ERBB4: variants seen among roughly 807,000 people sequenced by gnomAD.
ERBB4 encodes erb-b2 receptor tyrosine kinase 4, also known as receptor tyrosine-protein kinase erbB-4.
A neutral mutation model predicts 158.0 loss-of-function variants in ERBB4; 42 were observed. The ratio of observed to expected loss-of-function variants is 0.27; its 90% CI spans 0.21 to 0.34. ERBB4 has a LOEUF of 0.34. ERBB4 is among the 10% of genes least tolerant of loss of function. ERBB4 has a pLI of 1.00. For synonymous variants in ERBB4, 583 were observed against 558.7 expected, an observed-to-expected ratio of 1.04 and a Z score of -0.61; for missense variants, 1,333 against 1,624.1, an observed-to-expected ratio of 0.82 and a Z score of 3.08.
intron 1 of ERBB4, among the ~76,000 whole-genome samples, chr2:212,533,808 T>C (rs370415582): frequency 8.2e-4 from 125 of 152,308 alleles, no homozygotes; most frequent in Middle Eastern, 6.8e-3. Context: ...GTTGTTAATA[T>C]GATTAAATTC....
At chr2:211,424,129 G>A (rs1416108232) in intron 23 of ERBB4, 26 bp downstream of exon 23, 3 of 1,602,358 alleles carry the variant, frequency 1.9e-6, no homozygotes, top group Non-Finnish European at 2.6e-6. Context: ...AATGATGATG[G>A]TGATAACATT....
chr2:211,492,394 C>T (rs998946607), intron 20 of ERBB4, among the ~76,000 whole-genome samples: 1 of 152,074 alleles, frequency 6.6e-6, no homozygotes, highest in Non-Finnish European at 1.5e-5. Flanking sequence ...TTTCATTTTC[C>T]TTATCTGTAA....
intron 2 of ERBB4, among the ~76,000 whole-genome samples, chr2:212,101,879 C>T (rs979722221): frequency 1.3e-5 from 2 of 151,710 alleles, no homozygotes; most frequent in Non-Finnish European, 2.9e-5. Context: ...CACAGACCTC[C>T]ATGGTCCCTG....
At chr2:212,396,469 GA>G (rs2106450497) in intron 1 of ERBB4, among the ~76,000 whole-genome samples, 1 of 152,102 alleles carries the variant, frequency 6.6e-6, no homozygotes, top group East Asian at 1.9e-4. Context: ...TTCCTCCTCT[GA>G]AAAAGGGGGA....
chr2:212,285,221 C>T (rs893398195), intron 1 of ERBB4, among the ~76,000 whole-genome samples: 1 of 152,102 alleles, frequency 6.6e-6, no homozygotes, highest in African/African-American at 2.4e-5. Flanking sequence ...CACATAATCA[C>T]GTGGTTGAAG....
chr2:212,085,149 G>A (rs1266117651), intron 2 of ERBB4, among the ~76,000 whole-genome samples: 2 of 151,780 alleles, frequency 1.3e-5, no homozygotes, highest in Non-Finnish European at 2.9e-5. Context: ...TGCCCTCTTG[G>A]TGCATATGTA....
At chr2:211,503,152 C>T (rs776035503) in intron 20 of ERBB4, among the ~76,000 whole-genome samples, 5 of 152,122 alleles carry the variant, frequency 3.3e-5, no homozygotes, top group Non-Finnish European at 7.4e-5. Flanking sequence ...CCACCACCCT[C>T]GCAGACCTTT....
intron 1 of ERBB4, among the ~76,000 whole-genome samples, chr2:212,465,537 C>A (rs943604124): frequency 1.3e-5 from 2 of 152,100 alleles, no homozygotes; most frequent in South Asian, 4.1e-4. Flanking sequence ...ATTTAAAAAA[C>A]TTAGTAAGCA....
At chr2:211,837,502 A>G (rs146993072) in intron 3 of ERBB4, among the ~76,000 whole-genome samples, 164 of 152,220 alleles carry the variant, frequency 1.1e-3, no homozygotes, top group African/African-American at 3.7e-3. Context: ...TAACACAGAC[A>G]TGTATCGTAG....
At chr2:211,449,486 T>C (rs1295956501) in intron 20 of ERBB4, among the ~76,000 whole-genome samples, 1 of 152,184 alleles carries the variant, frequency 6.6e-6, no homozygotes, top group Non-Finnish European at 1.5e-5. Context: ...ATTGTTCTTT[T>C]CTGCTGAGGA....
chr2:211,585,352 A>AAAC (rs2068243134), intron 19 of ERBB4, among the ~76,000 whole-genome samples: 1 of 2,624 alleles, frequency 3.8e-4, no homozygotes, highest in Non-Finnish European at 6.2e-4. Context: ...ACTCCGTCTC[A>AAAC]AAAAAAAAAA....
chr2:212,273,018 T>G lies in ERBB4; in HGVS notation c.83-148115A>C, dbSNP rs138444654. ...AACATATTTCTATAAGGGTACACAC[T>G]GTTTATTGAAATATTTACATATGTT... On this transcript the variant is annotated intron_variant, in intron 1 of 27. Coordinates refer to ENST00000342788, the MANE Select transcript of ERBB4 (RefSeq NM_005235.3). 5.0e-3 allele frequency among the ~76,000 whole-genome samples: 759 copies of G among 151,838 alleles called. 4 individuals carry two copies. The highest frequency in any genetic ancestry group is 0.017 in the Middle Eastern group (5 of 294).
intron 2 of ERBB4, among the ~76,000 whole-genome samples, chr2:211,964,061 A>T (rs560252126): frequency 2.0e-5 from 3 of 152,272 alleles, no homozygotes; most frequent in African/African-American, 4.8e-5. Flanking sequence ...GGACAAAGAC[A>T]CATGGTATTT....
intron 1 of ERBB4, among the ~76,000 whole-genome samples, chr2:212,228,108 T>C (rs2083537117): frequency 1.3e-5 from 2 of 152,306 alleles, no homozygotes; most frequent in African/African-American, 2.4e-5. Flanking sequence ...CACCTCCCCC[T>C]CCTTGGTTTG....
intron 11 of ERBB4, among the ~76,000 whole-genome samples, chr2:211,703,288 T>C (rs1338016750): frequency 3.3e-5 from 5 of 152,220 alleles, no homozygotes; most frequent in South Asian, 2.1e-4. Flanking sequence ...AAGTTGTTTA[T>C]ATACAGCACT....
chr2:211,715,879 C>G (rs1214950430), intron 7 of ERBB4, among the ~76,000 whole-genome samples: 1 of 152,156 alleles, frequency 6.6e-6, no homozygotes, highest in Non-Finnish European at 1.5e-5. Context: ...TAAGAACCAA[C>G]TAATACATCT....
At chr2:212,349,707 A>G (rs1045719766) in intron 1 of ERBB4, among the ~76,000 whole-genome samples, 5 of 152,126 alleles carry the variant, frequency 3.3e-5, no homozygotes, top group Non-Finnish European at 7.4e-5. Flanking sequence ...AACCAGAGGA[A>G]AAGTAGAAAA....
At chr2:212,501,124 G>A (rs1690865577) in intron 1 of ERBB4, among the ~76,000 whole-genome samples, 1 of 152,154 alleles carries the variant, frequency 6.6e-6, no homozygotes, top group Non-Finnish European at 1.5e-5. Context: ...AACACCAGTA[G>A]CAGAGTCTTT....
intron 1 of ERBB4, among the ~76,000 whole-genome samples, chr2:212,203,261 TA>T (rs2082641255): frequency 6.6e-6 from 1 of 152,036 alleles, no homozygotes; most frequent in African/African-American, 2.4e-5. Flanking sequence ...AGTAAAAACC[TA>T]AAACCAGGGA....
Sources: gnomAD v4.1 joint callset for allele counts (sites outside exome capture counted in the v4.1 genomes callset) on GRCh38, gnomAD v4.1.1 for gene constraint, MANE v1.5 for transcripts, NCBI Gene and HGNC (gene_info 2026-07-23, HGNC 2026-07-21) for gene names.